The following RANBP2 variants were observed in gnomAD, a reference collection of about 807,000 sequenced individuals.
RANBP2 encodes E3 SUMO-protein ligase RanBP2.
Under a neutral mutation model 303.6 loss-of-function variants are expected in RANBP2, and 57 were observed. The ratio of observed to expected loss-of-function variants is 0.19; its 90% CI spans 0.15 to 0.23. The LOEUF (loss-of-function observed/expected upper bound fraction) is 0.23, where lower values mean the gene tolerates loss of function less well. Ranked by LOEUF, RANBP2 falls within the 10% of genes least tolerant of loss-of-function variation. The pLI, the probability that RANBP2 is intolerant of heterozygous loss-of-function variation, is 1.00. For synonymous variants in RANBP2, 1,167 were observed against 1,301.5 expected (o/e 0.90, Z 2.23); for missense variants, 3,138 against 3,780.8 (o/e 0.83, Z 4.46).
chr2:108,824,117 A>T, the RANBP2 span, among the ~76,000 whole-genome samples: 1 of 152,198 alleles, frequency 6.6e-6, no homozygotes, highest in African/African-American at 2.4e-5. Context: ...TGCAGGCTAC[A>T]GTAAATTTTA....
At chr2:109,475,240 G>A in the RANBP2 span, among the ~76,000 whole-genome samples, 1 of 152,176 alleles carries the variant, frequency 6.6e-6, no homozygotes, top group Non-Finnish European at 1.5e-5. Context: ...GCCTCCCAAA[G>A]TGCTAGGATT....
chr2:109,679,699 G>A, the RANBP2 span, among the ~76,000 whole-genome samples: 7 of 152,230 alleles, frequency 4.6e-5, no homozygotes, highest in East Asian at 7.7e-4. Flanking sequence ...TGCTTATATA[G>A]CAATTCCCAG....
the RANBP2 span, among the ~76,000 whole-genome samples, chr2:109,369,421 A>G: frequency 6.6e-6 from 1 of 152,238 alleles, no homozygotes; most frequent in African/African-American, 2.4e-5. Context: ...GCTCTGCTAA[A>G]TGCCCCCAGA....
the RANBP2 span, among the ~76,000 whole-genome samples, chr2:109,607,480 G>A: frequency 5.9e-5 from 9 of 152,160 alleles, no homozygotes; most frequent in East Asian, 1.7e-3. Flanking sequence ...GTTCTTGGGA[G>A]GACAAAAATA....
At chr2:108,752,780 A>G (rs984905794) in intron 12 of RANBP2, among the ~76,000 whole-genome samples, 16 of 151,820 alleles carry the variant, frequency 1.1e-4, no homozygotes, top group African/African-American at 3.9e-4. Context: ...GCTACAGAGC[A>G]AGACTCTGTC....
At chr2:109,316,503 A>G in the RANBP2 span, among the ~76,000 whole-genome samples, 1 of 152,216 alleles carries the variant, frequency 6.6e-6, no homozygotes, top group South Asian at 2.1e-4. Context: ...GAGAGAACTT[A>G]TCACTCCTCT....
At chr2:109,515,381 G>A in the RANBP2 span, among the ~76,000 whole-genome samples, 5 of 152,146 alleles carry the variant, frequency 3.3e-5, no homozygotes, top group African/African-American at 9.6e-5. Flanking sequence ...TGGAGGGTCC[G>A]TGGGGGATGT....
chr2:109,593,531 G>A, the RANBP2 span, among the ~76,000 whole-genome samples: 1 of 151,198 alleles, frequency 6.6e-6, no homozygotes. Context: ...TCAGCCTCCT[G>A]AGTAGCTGGG....
At chr2:109,318,022 G>A in the RANBP2 span, among the ~76,000 whole-genome samples, 1 of 150,976 alleles carries the variant, frequency 6.6e-6, no homozygotes, top group Admixed American at 6.6e-5. Context: ...GCATTAAAAA[G>A]CAAAGGGCAG....
chr2:109,627,390 T>G, the RANBP2 span, among the ~76,000 whole-genome samples: 1 of 152,088 alleles, frequency 6.6e-6, no homozygotes, highest in Non-Finnish European at 1.5e-5. Flanking sequence ...AGAGATGGGG[T>G]TTCACCATGT....
the RANBP2 span, among the ~76,000 whole-genome samples, chr2:109,405,773 G>A: frequency 6.6e-6 from 1 of 152,216 alleles, no homozygotes; most frequent in Admixed American, 6.5e-5. Flanking sequence ...GTGTGCCCAT[G>A]ATGGAATATT....
the RANBP2 span, among the ~76,000 whole-genome samples, chr2:109,394,824 C>T: frequency 6.6e-6 from 1 of 152,218 alleles, no homozygotes; most frequent in African/African-American, 2.4e-5. Context: ...CCTGGCTTCC[C>T]TGCAGCATGG....
the RANBP2 span, among the ~76,000 whole-genome samples, chr2:109,078,100 A>AGCGTG: frequency 1.4e-5 from 1 of 70,006 alleles, no homozygotes; most frequent in African/African-American, 5.0e-5. Context: ...ATATATATAT[A>AGCGTG]TATATATATA....
the RANBP2 span, among the ~76,000 whole-genome samples, chr2:109,466,072 C>CTTTTTTTTTTTTTTTTTT: frequency 2.4e-5 from 2 of 82,384 alleles, no homozygotes; most frequent in Admixed American, 1.8e-4. Context: ...ACCTGTACAT[C>CTTTTTTTTTTTTTTTTTT]TTTTTTTTTT....
chr2:109,361,768 G>A, the RANBP2 span, among the ~76,000 whole-genome samples: 6 of 152,230 alleles, frequency 3.9e-5, no homozygotes, highest in Non-Finnish European at 1.5e-5. Context: ...ATAGATAAAG[G>A]CCTATTGAAT....
the RANBP2 span, among the ~76,000 whole-genome samples, chr2:108,874,127 C>G: frequency 6.6e-6 from 1 of 152,018 alleles, no homozygotes; most frequent in African/African-American, 2.4e-5. Flanking sequence ...AGAATAAATT[C>G]TTGCATACTG....
chr2:109,156,004 G>A, the RANBP2 span, among the ~76,000 whole-genome samples: 1 of 152,342 alleles, frequency 6.6e-6, no homozygotes, highest in African/African-American at 2.4e-5. Flanking sequence ...GGGCCCCAGA[G>A]CCCCATGCTT....
At chr2:109,146,898 C>T in the RANBP2 span, among the ~76,000 whole-genome samples, 2 of 104,208 alleles carry the variant, frequency 1.9e-5, no homozygotes, top group Non-Finnish European at 3.8e-5. Flanking sequence ...CCCCCCCCCC[C>T]CCCGCCCCAA....
chr2:109,602,745 G>A, the RANBP2 span, among the ~76,000 whole-genome samples: 1 of 151,220 alleles, frequency 6.6e-6, no homozygotes, highest in East Asian at 2.0e-4. Flanking sequence ...CATGTTCCAT[G>A]CAGGCTAGGT....
Sources: allele counts gnomAD v4.1 joint callset (sites outside exome capture counted in the v4.1 genomes callset), GRCh38; gene constraint gnomAD v4.1.1; transcripts MANE v1.5; gene names NCBI Gene and HGNC (gene_info 2026-07-23, HGNC 2026-07-21).